Variants in PKNOX2 observed in about 807,000 individuals in gnomAD.
PKNOX2 encodes the protein PBX/knotted 1 homeobox 2.
A neutral mutation model predicts 53.1 loss-of-function variants in PKNOX2; 14 were observed. The observed-to-expected ratio is 0.26, with a 90% CI of 0.17 to 0.41. The LOEUF is 0.41. Among genes scored for constraint, PKNOX2 ranks in the 10% least tolerant of loss-of-function variants. The pLI is 1.00. For synonymous variants in PKNOX2, 257 were observed against 242.8 expected (o/e 1.06, Z -0.54); for missense variants, 496 against 602.8 (o/e 0.82, Z 1.85).
chr11:125,276,656 A>C (rs1170486347), intron 2 of PKNOX2, among the ~76,000 whole-genome samples: 1 of 152,168 alleles, frequency 6.6e-6, no homozygotes, highest in Admixed American at 6.5e-5. Flanking sequence ...CAAGGTCATC[A>C]ACTGAGAGTG....
chr11:125,360,477 T>A (rs976399894), intron 4 of PKNOX2, among the ~76,000 whole-genome samples: 17 of 152,240 alleles, frequency 1.1e-4, no homozygotes, highest in Admixed American at 1.1e-3. Context: ...GCTCCATTTT[T>A]ACCTCATGGG....
intron 2 of PKNOX2, among the ~76,000 whole-genome samples, chr11:125,282,310 G>T (rs997833592): frequency 2.0e-5 from 3 of 152,218 alleles, no homozygotes; most frequent in African/African-American, 7.2e-5. Flanking sequence ...TGTAAAATGT[G>T]AATATTCTGT....
chr11:125,315,547 C>T (rs963796442), intron 2 of PKNOX2, among the ~76,000 whole-genome samples: 5 of 152,112 alleles, frequency 3.3e-5, no homozygotes, highest in African/African-American at 4.8e-5. Context: ...CTGGCCTGGC[C>T]GGTGGGAGGC....
chr11:125,358,392 A>AT (rs1387640422), intron 4 of PKNOX2, among the ~76,000 whole-genome samples: 1 of 152,240 alleles, frequency 6.6e-6, no homozygotes, highest in African/African-American at 2.4e-5. Context: ...GGAGGCCATC[A>AT]GTTCCCGGGA....
intron 3 of PKNOX2, among the ~76,000 whole-genome samples, chr11:125,339,545 G>A (rs59277787): frequency 0.27 from 40,558 of 152,092 alleles, 6,908 homozygotes; most frequent in African/African-American, 0.47. Context: ...GGAAAGCCAA[G>A]GGTGTGTGGG....
chr11:125,407,439 AC>A (rs1200308020), intron 7 of PKNOX2, among the ~76,000 whole-genome samples: 1 of 152,188 alleles, frequency 6.6e-6, no homozygotes, highest in Admixed American at 6.5e-5. Flanking sequence ...CTTGTTGGGT[AC>A]TTTTTTGGGG....
intron 2 of PKNOX2, among the ~76,000 whole-genome samples, chr11:125,323,479 A>C (rs943821754): frequency 1.3e-5 from 2 of 152,148 alleles, no homozygotes; most frequent in Non-Finnish European, 2.9e-5. Flanking sequence ...CACAAGGTGT[A>C]AATCTTCCCT....
At chr11:125,221,465 C>G (rs964929910) in intron 1 of PKNOX2, among the ~76,000 whole-genome samples, 5 of 152,230 alleles carry the variant, frequency 3.3e-5, no homozygotes, top group African/African-American at 1.2e-4. Context: ...CCAGGCCCGT[C>G]TGCAGAGTTG....
chr11:125,407,122 C>A (rs1042529916), intron 7 of PKNOX2, among the ~76,000 whole-genome samples: 4 of 152,072 alleles, frequency 2.6e-5, no homozygotes, highest in African/African-American at 9.7e-5. Context: ...TATTTTATTC[C>A]TTCACTGATA....
chr11:125,387,526 C>T (rs1212356170), intron 6 of PKNOX2, among the ~76,000 whole-genome samples: 2 of 152,130 alleles, frequency 1.3e-5, no homozygotes, highest in East Asian at 1.9e-4. Context: ...CATGCTCTCT[C>T]CTGGCCAACA....
At chr11:125,270,523 G>A (rs183170862) in intron 2 of PKNOX2, among the ~76,000 whole-genome samples, 116 of 152,328 alleles carry the variant, frequency 7.6e-4, no homozygotes, top group African/African-American at 2.7e-3. Flanking sequence ...GCGCCATTCA[G>A]TGTGTGTTCC....
In PKNOX2 at chr11:125,411,831, A is replaced by G. The variant is rs950332203; in HGVS notation, c.902A>G (p.Asn301Ser). 3.7e-6 allele frequency: 6 copies of G among 1,613,988 alleles called. No individual in the cohort carries two copies. The highest frequency in any genetic ancestry group is 5.1e-6 in the Non-Finnish European group (6 of 1,180,036). Residue 301 changes from asparagine to serine, a missense_variant, in exon 10 of 13, where the codon AAT becomes AGT. Asn to Ser is a conservative substitution (Grantham distance 46). Transcript: ENST00000298282. ...KRGVLPKHATNIMRSWLFQHL... is the reference protein window; with the variant it reads ...KRGVLPKHATSIMRSWLFQHL... The stretch of plus-strand genomic sequence containing the variant: ...GGAGTCTTGCCCAAGCATGCCACCA[A>G]TATAATGCGTTCTTGGCTCTTCCAG...
intron 1 of PKNOX2, among the ~76,000 whole-genome samples, chr11:125,226,945 C>T (rs371751245): frequency 2.5e-4 from 38 of 152,076 alleles, no homozygotes; most frequent in Middle Eastern, 6.8e-3. Flanking sequence ...GCTCTGGGTT[C>T]CTTGCTCTCT....
At chr11:125,281,461 A>C (rs1261172046) in intron 2 of PKNOX2, among the ~76,000 whole-genome samples, 1 of 152,208 alleles carries the variant, frequency 6.6e-6, no homozygotes, top group Non-Finnish European at 1.5e-5. Context: ...CTTGCATGAT[A>C]GGCAGGCCTG....
In PKNOX2 at chr11:125,326,175, G is replaced by A. The variant is rs537043373; in HGVS notation, c.-129-5644G>A. On this transcript the variant is annotated intron_variant, in intron 2 of 12. Transcript: ENST00000298282. Reference sequence around the variant, plus strand: ...ACATCGAGGGGAGATTAAGATTCACGCACAAAGCAGGGGCTCACAAAATTG... The same window carrying A: ...ACATCGAGGGGAGATTAAGATTCACACACAAAGCAGGGGCTCACAAAATTG... Among the ~76,000 whole-genome samples the A allele has an allele frequency of 6.6e-5, 10 of 152,308 alleles. 1 individual carries two copies. In the South Asian group the frequency reaches 8.3e-4, roughly 13 times the overall value.
chr11:125,310,082 C>T (rs1172978489), intron 2 of PKNOX2, among the ~76,000 whole-genome samples: 1 of 152,186 alleles, frequency 6.6e-6, no homozygotes, highest in African/African-American at 2.4e-5. Context: ...TCAGAATTTT[C>T]CTTATGCCAG....
intron 3 of PKNOX2, among the ~76,000 whole-genome samples, chr11:125,338,584 T>C (rs1249855718): frequency 6.6e-6 from 1 of 152,224 alleles, no homozygotes; most frequent in African/African-American, 2.4e-5. Context: ...CAACCTACTC[T>C]GGACAGAACC....
At chr11:125,364,509 C>T (rs2136261536) in intron 4 of PKNOX2, among the ~76,000 whole-genome samples, 1 of 152,274 alleles carries the variant, frequency 6.6e-6, no homozygotes, top group African/African-American at 2.4e-5. Context: ...CTCCTTCATC[C>T]CTCTTCATCC....
At chr11:125,259,365 C>T (rs1045371904) in intron 2 of PKNOX2, among the ~76,000 whole-genome samples, 1 of 152,186 alleles carries the variant, frequency 6.6e-6, no homozygotes, top group African/African-American at 2.4e-5. Flanking sequence ...AGATTCCTGC[C>T]AGCTCTGACA....
Sources: allele counts gnomAD v4.1 joint callset (sites outside exome capture counted in the v4.1 genomes callset), GRCh38; gene constraint gnomAD v4.1.1; transcripts MANE v1.5; gene names NCBI Gene and HGNC (gene_info 2026-07-23, HGNC 2026-07-21).